The following TDRD5 variants were observed in gnomAD, a reference collection of about 807,000 sequenced individuals.
The protein encoded by TDRD5 is tudor domain-containing protein 5.
In TDRD5, 41 loss-of-function variants were observed where a neutral mutation model predicts 120.6. The ratio of observed to expected loss-of-function variants is 0.34; its 90% CI spans 0.26 to 0.44. TDRD5 has a LOEUF of 0.44. Among genes scored for constraint, TDRD5 ranks in the 20% least tolerant of loss-of-function variants. The pLI, the probability that TDRD5 is intolerant of heterozygous loss-of-function variation, is 1.00. For missense variants in TDRD5, 1,006 were observed against 1,221.2 expected, an observed-to-expected ratio of 0.82 and a Z score of 2.63; for synonymous variants, 430 against 433.7, an observed-to-expected ratio of 0.99 and a Z score of 0.11.
At chr1:179,690,148 C>T (rs1324482738) in intron 17 of TDRD5, among the ~76,000 whole-genome samples, 2 of 152,212 alleles carry the variant, frequency 1.3e-5, no homozygotes, top group Non-Finnish European at 2.9e-5. Flanking sequence ...GCGTTGCTCA[C>T]ACTGGGAGCT....
At chr1:179,596,513 A>G (rs886147082) in intron 4 of TDRD5, among the ~76,000 whole-genome samples, 3 of 152,220 alleles carry the variant, frequency 2.0e-5, no homozygotes, top group African/African-American at 4.8e-5. Flanking sequence ...GCCACAGACA[A>G]CCACTGCTTT....
At chr1:179,612,826 CTCAGGAG>C (rs1002332136) in intron 4 of TDRD5, among the ~76,000 whole-genome samples, 1 of 151,366 alleles carries the variant, frequency 6.6e-6, no homozygotes, top group African/African-American at 2.4e-5. Flanking sequence ...GTCCCAGCTA[CTCAGGAG>C]GCTGAGGTAG....
At chr1:179,641,923 GT>G (rs1678071044) in intron 11 of TDRD5, among the ~76,000 whole-genome samples, 1 of 151,972 alleles carries the variant, frequency 6.6e-6, no homozygotes, top group Non-Finnish European at 1.5e-5. Flanking sequence ...TGTATTCAAG[GT>G]TGTTTTCTTG....
At chr1:179,639,182 T>C (rs1203107193) in intron 9 of TDRD5, among the ~76,000 whole-genome samples, 1 of 152,340 alleles carries the variant, frequency 6.6e-6, no homozygotes, top group East Asian at 1.9e-4. Flanking sequence ...GTGTACACTG[T>C]CCTAAACTTT....
intron 11 of TDRD5, among the ~76,000 whole-genome samples, chr1:179,643,597 A>G (rs1678169147): frequency 2.0e-5 from 3 of 150,822 alleles, no homozygotes; most frequent in African/African-American, 7.3e-5. Flanking sequence ...ATTTGGAGAC[A>G]GTGGAGGAGT....
At chr1:179,631,502 G>A (rs962653631) in intron 7 of TDRD5, among the ~76,000 whole-genome samples, 4 of 152,184 alleles carry the variant, frequency 2.6e-5, no homozygotes, top group Non-Finnish European at 2.9e-5. Context: ...AACTCAGGCC[G>A]TGCATCAAAA....
chr1:179,633,692 A>C (rs1677590958), intron 7 of TDRD5, among the ~76,000 whole-genome samples: 1 of 152,090 alleles, frequency 6.6e-6, no homozygotes, highest in African/African-American at 2.4e-5. Flanking sequence ...GTTATCATAC[A>C]CATGTAAATT....
rs1287383418 is a variant in TDRD5 at position 179,618,664 on chromosome 1, A to G, written c.897A>G (p.Leu299=). ...IGPGGTISSE[L]KHKIKFVVSK... The stretch of plus-strand genomic sequence containing the variant: ...CTGGAGGAACTATCAGTTCAGAACT[A>G]AAACATAAGATAAAATTTGTAAGTA... The change falls in exon 5 of 18, where the codon CTA becomes CTG. Residue 299 remains leucine (L), a synonymous_variant. Coordinates refer to ENST00000444136, the MANE Select transcript of TDRD5 (RefSeq NM_001199085.3). 2 of 1,585,182 alleles carry G rather than the reference A, an allele frequency of 1.3e-6. No individual in the cohort carries two copies. The highest frequency in any genetic ancestry group is 1.8e-5 in the Admixed American group (1 of 54,736).
At chr1:179,646,032 C>T (rs369076849) in intron 11 of TDRD5, among the ~76,000 whole-genome samples, 1 of 152,110 alleles carries the variant, frequency 6.6e-6, no homozygotes, top group East Asian at 1.9e-4. Flanking sequence ...GTCTTTCACC[C>T]AGAATGTTTA....
Position 179,618,652 on chromosome 1 carries a change from C to T in TDRD5, c.885C>T (p.Ile295=). The change falls in exon 5 of 18, where the codon ATC becomes ATT. Residue 295 remains isoleucine (I), a synonymous_variant. Transcript: ENST00000444136. ...VIAQIGPGGT[I]SSELKHKIKF... is the part of the protein sequence containing the mutation. ...CACAGATTGGACCTGGAGGAACTAT[C>T]AGTTCAGAACTAAAACATAAGATAA... The T allele has an allele frequency of 6.3e-7, 1 of 1,596,300 alleles. No individual in the cohort carries two copies. The highest frequency in any genetic ancestry group is 8.5e-7 in the Non-Finnish European group (1 of 1,173,060).
chr1:179,658,778 T>G (rs937991879), intron 14 of TDRD5, among the ~76,000 whole-genome samples: 2 of 152,158 alleles, frequency 1.3e-5, no homozygotes, highest in Admixed American at 6.5e-5. Flanking sequence ...GTTTTCAAGT[T>G]CGTTGATTTC....
intron 17 of TDRD5, among the ~76,000 whole-genome samples, chr1:179,685,452 G>A (rs888709303): frequency 6.6e-6 from 1 of 150,922 alleles, no homozygotes; most frequent in Admixed American, 6.6e-5. Flanking sequence ...TGTAGCCTTG[G>A]TATAGTTTGA....
At chr1:179,605,713 C>T (rs937789921) in intron 4 of TDRD5, among the ~76,000 whole-genome samples, 1 of 152,138 alleles carries the variant, frequency 6.6e-6, no homozygotes, top group Non-Finnish European at 1.5e-5. Flanking sequence ...AGTTGGACTT[C>T]TACAGCATGT....
chr1:179,683,235 G>A lies in TDRD5; in HGVS notation c.2861-7461G>A, dbSNP rs1171568787. Among the ~76,000 whole-genome samples, 4 of 152,282 alleles carry A rather than the reference G, an allele frequency of 2.6e-5. 1 individual carries two copies. In the South Asian group the frequency reaches 6.2e-4, roughly 24 times the overall value. ...CTTCTCTCAGAGGTCACTGTCCTGG[G>A]ATGCTTGTTCAATGTCTGAAAGCTG... On this transcript the variant is annotated intron_variant, in intron 17 of 17. Transcript: ENST00000444136.
At chr1:179,673,257 C>G (rs1268759357) in intron 17 of TDRD5, among the ~76,000 whole-genome samples, 1 of 152,110 alleles carries the variant, frequency 6.6e-6, no homozygotes, top group African/African-American at 2.4e-5. Flanking sequence ...TTGTTTGTGT[C>G]ATCTATGATT....
intron 7 of TDRD5, among the ~76,000 whole-genome samples, chr1:179,634,181 A>AC (rs1677627484): frequency 6.6e-6 from 1 of 151,604 alleles, no homozygotes; most frequent in Admixed American, 6.6e-5. Flanking sequence ...AAAAAACAAA[A>AC]AAACAAAAAA....
At chr1:179,673,205 A>G (rs933182606) in intron 17 of TDRD5, among the ~76,000 whole-genome samples, 5 of 152,176 alleles carry the variant, frequency 3.3e-5, no homozygotes, top group Admixed American at 2.6e-4. Flanking sequence ...CATTTTCACA[A>G]TATTGATTCT....
intron 6 of TDRD5, among the ~76,000 whole-genome samples, chr1:179,625,157 C>T (rs893232694): frequency 1.3e-5 from 2 of 150,978 alleles, no homozygotes; most frequent in African/African-American, 4.9e-5. Flanking sequence ...AATCCCAACC[C>T]CAACCCGACA....
chr1:179,593,669 G>A lies in TDRD5; in HGVS notation c.442G>A (p.Val148Ile). Residue 148 changes from valine (V) to isoleucine (I), a missense_variant, in exon 3 of 18, where the codon GTT becomes ATT. Transcript: ENST00000444136. ...GAAGGACCTGTTGGCGTTATCTCCT[G>A]TTCTTCTTTCTGATTTTGAAAAGGC... ...ELKDLLALSP[V>I]LLSDFEKAFA... 1 of 1,614,208 alleles carries A rather than the reference G, an allele frequency of 6.2e-7. No homozygotes were observed. Among genetic ancestry groups the A allele is most frequent in the Non-Finnish European group, 8.5e-7 (1 of 1,180,042 alleles).
Sources: gnomAD v4.1 joint callset for allele counts (sites outside exome capture counted in the v4.1 genomes callset) on GRCh38, gnomAD v4.1.1 for gene constraint, MANE v1.5 for transcripts, NCBI Gene and HGNC (gene_info 2026-07-23, HGNC 2026-07-21) for gene names.